CEBPZOS: variants seen among roughly 807,000 people sequenced by gnomAD.
The protein encoded by CEBPZOS is CEBPZ opposite strand, also known as protein CEBPZOS.
A neutral mutation model predicts 4.8 loss-of-function variants in CEBPZOS; 10 were observed. That is an observed-to-expected ratio of 2.07 (90% CI 1.28 to 3.52). CEBPZOS has a LOEUF of 3.52. CEBPZOS is among the 30% of genes most tolerant of loss of function. CEBPZOS has a pLI of 0.00. For synonymous variants in CEBPZOS, 25 were observed against 14.2 expected (o/e 1.77, Z -1.72); for missense variants, 98 against 43.6 (o/e 2.25, Z -3.51).
At position 37,202,488 on chromosome 2, in the gene CEBPZOS, T is replaced by A. The variant is rs1447756528; in HGVS notation, c.*628T>A. ...GGTGAAACCCTGTTTCTACTAAAAA[T>A]ACAAAAATTAGCTGGGCGTGGTGGT... On this transcript the variant is annotated 3_prime_UTR_variant, in exon 5 of 5. Transcript: ENST00000402297. The A allele has an allele frequency of 4.8e-6, 1 of 207,076 alleles. No individual in the cohort carries two copies. Among genetic ancestry groups the A allele is most frequent in the Non-Finnish European group, 9.8e-6 (1 of 102,250 alleles). 12.8% of individuals were successfully genotyped at this position (207,076 alleles called of 1,614,324 possible).
At chr2:37,201,014 A>G (rs1328678102) in intron 2 of CEBPZOS, 34 bp from the exon 3 acceptor site, 10 of 714,152 alleles carry the variant, frequency 1.4e-5, no homozygotes, top group South Asian at 3.0e-5. Context: ...ATTTCTGTTC[A>G]TATCTAATTT....
downstream of CEBPZOS, among the ~76,000 whole-genome samples, chr2:37,214,508 A>G (rs1182891199): frequency 4.6e-5 from 7 of 152,154 alleles, no homozygotes; most frequent in African/African-American, 1.7e-4. Context: ...TTAAGCCTAT[A>G]AAGAAAATTA....
downstream of CEBPZOS, chr2:37,214,761 A>C (rs1677827764): frequency 1.8e-6 from 1 of 545,204 alleles, no homozygotes; most frequent in Non-Finnish European, 3.3e-6. Flanking sequence ...CTAATGTTCC[A>C]TGGTCTATTT....
At position 37,201,901 on chromosome 2, in the gene CEBPZOS, G is replaced by C; in HGVS notation, c.*41G>C. ...TCAGCCTCCCATCTAAGCTGTTTGA[G>C]ACCTTTGAGAGAAGAAGAAAAGATG... On this transcript the variant is annotated 3_prime_UTR_variant, in exon 5 of 5. Transcript: ENST00000402297. The C allele has an allele frequency of 1.2e-6, 2 of 1,611,788 alleles. No individual in the cohort carries two copies. Among genetic ancestry groups the C allele is most frequent in the African/African-American group, 1.3e-5 (1 of 74,674 alleles).
chr2:37,213,955 A>G (rs368054464), downstream of CEBPZOS: 4 of 1,488,986 alleles, frequency 2.7e-6, no homozygotes, highest in East Asian at 2.3e-5. Context: ...CAACTTTTTT[A>G]TAATACCTAT....
downstream of CEBPZOS, chr2:37,214,852 GTTTCCCCAAATGAAACTA>G (rs985331360): frequency 7.2e-7 from 1 of 1,380,210 alleles, no homozygotes. Context: ...AATTTTAGCA[GTTTCCCCAAATGAAACTA>G]TATTATGTAT....
downstream of CEBPZOS, chr2:37,216,126 A>T: frequency 6.3e-7 from 1 of 1,586,918 alleles, no homozygotes; most frequent in Non-Finnish European, 8.6e-7. Flanking sequence ...CAACTGTCTA[A>T]GGTTTATACT....
At chr2:37,206,659 G>A (rs146977632), downstream of CEBPZOS, among the ~76,000 whole-genome samples, 129 of 152,190 alleles carry the variant, frequency 8.5e-4, no homozygotes, top group African/African-American at 3.1e-3. Context: ...CTCAGCCTAG[G>A]AATTCTAAAT....
chr2:37,208,458 G>A (rs1266416798), downstream of CEBPZOS, among the ~76,000 whole-genome samples: 15 of 152,148 alleles, frequency 9.9e-5, no homozygotes, highest in Admixed American at 9.8e-4. Context: ...GATCAAGTGG[G>A]TTTCTTGCCA....
rs756289408 is a variant in CEBPZOS, at chr2:37,202,763, A to G, written c.*903A>G. Reference sequence around the variant, plus strand: ...CCAAAGCTATTTTTAAAACATCAATAAAAAAATTTAAGTTACTTACTTGCA... The same window carrying G: ...CCAAAGCTATTTTTAAAACATCAATGAAAAAATTTAAGTTACTTACTTGCA... On this transcript the variant is annotated 3_prime_UTR_variant, in exon 5 of 5. Coordinates refer to ENST00000402297, the MANE Select transcript of CEBPZOS (RefSeq NM_001322374.2). 6.9e-7 allele frequency: 1 copy of G among 1,454,572 alleles called. No individual in the cohort carries two copies. Among genetic ancestry groups the G allele is most frequent in the Non-Finnish European group, 9.2e-7 (1 of 1,081,716 alleles). The allele number at this position is 1,454,572 out of a possible 1,614,324, so 90.1% of individuals were successfully genotyped here. A position where few individuals can be genotyped will look rare whatever the true frequency, so the allele number is the denominator to read the frequency against.
At chr2:37,211,472 C>T (rs1405266484) in intron 4 of CEBPZOS, 1 of 230,902 alleles carries the variant, frequency 4.3e-6, no homozygotes, top group Admixed American at 5.2e-5. Context: ...GTGTTCCTTG[C>T]TAATTTACAA....
At chr2:37,210,911 C>G (rs974563684) in intron 4 of CEBPZOS, 11 of 626,510 alleles carry the variant, frequency 1.8e-5, no homozygotes, top group South Asian at 8.5e-5. Flanking sequence ...TTTTATTAAT[C>G]AAATTTAGGA....
chr2:37,202,833 G>C lies in CEBPZOS; in HGVS notation c.*973G>C. ...CATTCATGCCAATGTTATCAAACTT[G>C]GATCCCATATTTTCATCCAATAGAT... On this transcript the variant is annotated 3_prime_UTR_variant, in exon 5 of 5. Transcript: ENST00000402297. 6.2e-7 allele frequency: 1 copy of C among 1,600,694 alleles called. No homozygotes were observed. Among genetic ancestry groups the C allele is most frequent in the South Asian group, 1.1e-5 (1 of 88,282 alleles).
downstream of CEBPZOS, among the ~76,000 whole-genome samples, chr2:37,207,254 AAGTC>A (rs1392570558): frequency 6.6e-6 from 1 of 152,236 alleles, no homozygotes; most frequent in Non-Finnish European, 1.5e-5. Flanking sequence ...TCAAGACAGA[AAGTC>A]AACAAAGAAA....
At chr2:37,210,865 A>T in intron 4 of CEBPZOS, 1 of 499,134 alleles carries the variant, frequency 2.0e-6, no homozygotes, top group African/African-American at 2.0e-5. Flanking sequence ...TTTCCACTTA[A>T]CATCTTTCTT....
At chr2:37,207,109 C>T (rs1483573801), downstream of CEBPZOS, among the ~76,000 whole-genome samples, 1 of 152,040 alleles carries the variant, frequency 6.6e-6, no homozygotes, top group Non-Finnish European at 1.5e-5. Flanking sequence ...TGTCATAATC[C>T]AAAATATATA....
chr2:37,207,408 A>G (rs771649510), downstream of CEBPZOS, among the ~76,000 whole-genome samples: 1 of 152,212 alleles, frequency 6.6e-6, no homozygotes, highest in Admixed American at 6.5e-5. Flanking sequence ...TAGGCCACAA[A>G]ACAAGTCTCA....
downstream of CEBPZOS, chr2:37,213,803 T>C: frequency 9.0e-7 from 1 of 1,114,702 alleles, no homozygotes; most frequent in Non-Finnish European, 1.3e-6. Context: ...CCACTAATGT[T>C]CCATGGTCTA....
downstream of CEBPZOS, among the ~76,000 whole-genome samples, chr2:37,205,710 G>GCC (rs1235726330): frequency 6.6e-6 from 1 of 152,206 alleles, no homozygotes; most frequent in Non-Finnish European, 1.5e-5. Context: ...GTAAGCAGAA[G>GCC]CCAGAGAGGC....
Sources: allele counts gnomAD v4.1 joint callset (sites outside exome capture counted in the v4.1 genomes callset), GRCh38; gene constraint gnomAD v4.1.1; transcripts MANE v1.5; gene names NCBI Gene and HGNC (gene_info 2026-07-23, HGNC 2026-07-21).